Variants in FAM204A observed in about 807,000 individuals in gnomAD.
FAM204A encodes the protein family with sequence similarity 204 member A.
Under a neutral mutation model 35.4 loss-of-function variants are expected in FAM204A, and 16 were observed. The ratio of observed to expected loss-of-function variants is 0.45; its 90% CI spans 0.31 to 0.69. The LOEUF is 0.69. FAM204A is among the 30% of genes least tolerant of loss of function. The probability of loss-of-function intolerance (pLI) is 0.07; values close to 1 mark genes in which losing one functional copy is unlikely to be tolerated. For synonymous variants in FAM204A, 76 were observed against 86.9 expected, an observed-to-expected ratio of 0.88 and a Z score of 0.70; for missense variants, 240 against 265.7, an observed-to-expected ratio of 0.90 and a Z score of 0.67.
At position 118,310,490 on chromosome 10, in the gene FAM204A, A is replaced by C; in HGVS notation, c.*367T>G. The C allele has an allele frequency of 6.7e-6, 1 of 149,648 alleles. No individual in the cohort carries two copies. The highest frequency in any genetic ancestry group is 1.8e-4 in the South Asian group (1 of 5,510). The allele number at this position is 149,648 out of a possible 1,614,324, so 9.3% of individuals were successfully genotyped here. ...ACAGAGCAAGCGAGGCTCTGTCTCAAAAAAAAAAAAAAAAAGAAAGAAAGT... is the reference window on the plus strand; with the variant it reads ...ACAGAGCAAGCGAGGCTCTGTCTCACAAAAAAAAAAAAAAAGAAAGAAAGT... On this transcript the variant is annotated 3_prime_UTR_variant, in exon 9 of 9. Transcript: ENST00000369183.
intron 7 of FAM204A, among the ~76,000 whole-genome samples, chr10:118,316,775 T>C (rs1021268328): frequency 6.6e-6 from 1 of 152,134 alleles, no homozygotes; most frequent in Non-Finnish European, 1.5e-5. Flanking sequence ...ATGATTCATA[T>C]ACTCTGATTT....
In FAM204A at chr10:118,301,628, A is replaced by G. The variant is rs1845808847; in HGVS notation, c.*9229T>C. 1 of 152,214 alleles carries G rather than the reference A, an allele frequency of 6.6e-6. No individual in the cohort carries two copies. The highest frequency in any genetic ancestry group is 1.5e-5 in the Non-Finnish European group (1 of 68,038). The allele number at this position is 152,214 out of a possible 1,614,324, so 9.4% of individuals were successfully genotyped here. On this transcript the variant is annotated 3_prime_UTR_variant, in exon 9 of 9. Coordinates refer to ENST00000369183, the MANE Select transcript of FAM204A (RefSeq NM_022063.3). ...AAGGGTACTTAGTGCCTTGCTTCCA[A>G]GACGTGTAGAAATGCAAGAATTGTC... is the stretch of plus-strand genomic sequence containing the variant.
chr10:118,299,510 T>C lies in FAM204A; in HGVS notation c.*11347A>G, dbSNP rs1258221448. ...AATCCTCCCACCTTAGCCTCCCGAGTAGCTGGGGGACTACAGGGGTGTACC... is the reference window on the plus strand; with the variant it reads ...AATCCTCCCACCTTAGCCTCCCGAGCAGCTGGGGGACTACAGGGGTGTACC... On this transcript the variant is annotated 3_prime_UTR_variant, in exon 9 of 9. Transcript: ENST00000369183. 6.7e-6 allele frequency: 1 copy of C among 148,880 alleles called. No homozygotes were observed. The highest frequency in any genetic ancestry group is 1.5e-5 in the Non-Finnish European group (1 of 67,796). 9.2% of individuals were successfully genotyped at this position (148,880 alleles called of 1,614,324 possible).
intron 7 of FAM204A, among the ~76,000 whole-genome samples, chr10:118,319,858 G>A (rs1164799735): frequency 3.9e-5 from 6 of 151,912 alleles, no homozygotes; most frequent in Non-Finnish European, 8.8e-5. Flanking sequence ...AAGTTCTGGT[G>A]TTTTCAAGGA....
intron 6 of FAM204A, among the ~76,000 whole-genome samples, chr10:118,332,650 A>G (rs1389402962): frequency 1.3e-5 from 2 of 152,146 alleles, no homozygotes; most frequent in Non-Finnish European, 2.9e-5. Context: ...GCACTCTGCT[A>G]AAAACAAACA....
rs1263288315 is a variant in FAM204A at position 118,311,471 on chromosome 10, A to C, written c.544-158T>G. On this transcript the variant is annotated intron_variant, in intron 7 of 8. Coordinates refer to ENST00000369183, the MANE Select transcript of FAM204A (RefSeq NM_022063.3). ...CCTTCTCAAAGTATAATGAATACAA[A>C]GACAGGACCCATATCTCCCGTGACT... 3 of 615,078 alleles carry C rather than the reference A, an allele frequency of 4.9e-6. No homozygotes were observed. In the African/African-American group the frequency reaches 5.6e-5, roughly 11 times the overall value. 38.1% of individuals were successfully genotyped at this position (615,078 alleles called of 1,614,324 possible).
chr10:118,313,630 C>T (rs117184656), intron 7 of FAM204A, among the ~76,000 whole-genome samples: 55 of 152,254 alleles, frequency 3.6e-4, no homozygotes, highest in African/African-American at 9.6e-4. Context: ...ATCGCCAAAA[C>T]GTAAAACAGA....
chr10:118,327,883 A>C (rs1051234215), intron 6 of FAM204A, among the ~76,000 whole-genome samples: 6 of 152,190 alleles, frequency 3.9e-5, no homozygotes, highest in African/African-American at 9.6e-5. Context: ...GGATTGTTTG[A>C]GCCCAGGAGT....
intron 3 of FAM204A, chr10:118,335,976 C>A: frequency 2.0e-6 from 1 of 496,726 alleles, no homozygotes; most frequent in Non-Finnish European, 3.4e-6. Flanking sequence ...TTTTTTTTTT[C>A]CCCCTCCGTC....
chr10:118,340,809 A>G (rs900186673), intron 2 of FAM204A, among the ~76,000 whole-genome samples: 1 of 152,106 alleles, frequency 6.6e-6, no homozygotes, highest in Non-Finnish European at 1.5e-5. Flanking sequence ...ATTACTATCT[A>G]TATCAGCCCC....
chr10:118,320,005 A>G (rs1234532211), intron 7 of FAM204A, among the ~76,000 whole-genome samples: 1 of 151,898 alleles, frequency 6.6e-6, no homozygotes, highest in Non-Finnish European at 1.5e-5. Flanking sequence ...CCATCACACT[A>G]TATAGGTATA....
intron 6 of FAM204A, among the ~76,000 whole-genome samples, chr10:118,327,382 G>C (rs914030271): frequency 2.0e-5 from 3 of 152,198 alleles, no homozygotes; most frequent in Non-Finnish European, 4.4e-5. Context: ...CTGTTGCTAA[G>C]AGAAGACGAT....
In FAM204A at chr10:118,310,012, T is replaced by A. The variant is rs1270084755; in HGVS notation, c.*845A>T. On this transcript the variant is annotated 3_prime_UTR_variant, in exon 9 of 9. Coordinates refer to ENST00000369183, the MANE Select transcript of FAM204A (RefSeq NM_022063.3). ...CTATGCAACTCTGAAATATCAAGTC[T>A]GCCTCCAATTAAAAAAAAACAGTAA... 6.6e-6 allele frequency: 1 copy of A among 152,108 alleles called. No homozygotes were observed. Among genetic ancestry groups the A allele is most frequent in the African/African-American group, 2.4e-5 (1 of 41,420 alleles). The allele number at this position is 152,108 out of a possible 1,614,324, so 9.4% of individuals were successfully genotyped here.
chr10:118,321,002 A>G (rs1157057027), intron 7 of FAM204A, among the ~76,000 whole-genome samples: 1 of 151,528 alleles, frequency 6.6e-6, no homozygotes, highest in Non-Finnish European at 1.5e-5. Context: ...CATTGGTTTC[A>G]TAGGTTTATA....
intron 7 of FAM204A, among the ~76,000 whole-genome samples, chr10:118,319,347 T>C (rs1846077645): frequency 6.6e-6 from 1 of 152,012 alleles, no homozygotes; most frequent in East Asian, 1.9e-4. Context: ...ATTTTTTTAA[T>C]GGCCATTCCT....
At chr10:118,315,410 C>T (rs1846015533) in intron 7 of FAM204A, among the ~76,000 whole-genome samples, 1 of 152,126 alleles carries the variant, frequency 6.6e-6, no homozygotes, top group Non-Finnish European at 1.5e-5. Context: ...CTCAAAATTA[C>T]TAGCTTGTAA....
intron 6 of FAM204A, among the ~76,000 whole-genome samples, chr10:118,328,211 A>C (rs996667867): frequency 6.6e-6 from 1 of 152,122 alleles, no homozygotes; most frequent in Non-Finnish European, 1.5e-5. Flanking sequence ...ACTCACCCCA[A>C]GTCTTTCTAC....
intron 6 of FAM204A, among the ~76,000 whole-genome samples, chr10:118,332,926 A>T (rs1428902581): frequency 1.3e-5 from 2 of 152,244 alleles, no homozygotes; most frequent in African/African-American, 4.8e-5. Context: ...TATTCTAAAG[A>T]AATTCCCACA....
chr10:118,338,395 G>C (rs1055000637), intron 2 of FAM204A, among the ~76,000 whole-genome samples: 2 of 152,216 alleles, frequency 1.3e-5, no homozygotes, highest in Admixed American at 6.5e-5. Flanking sequence ...ATAAGTTCCA[G>C]TATGACTTGG....
Sources: allele counts gnomAD v4.1 joint callset (sites outside exome capture counted in the v4.1 genomes callset), GRCh38; gene constraint gnomAD v4.1.1; transcripts MANE v1.5; gene names NCBI Gene and HGNC (gene_info 2026-07-23, HGNC 2026-07-21).